COX15: variants seen among roughly 807,000 people sequenced by gnomAD.
COX15 encodes heme A synthase COX15.
In COX15, 51 loss-of-function variants were observed where a neutral mutation model predicts 51.9. The ratio of observed to expected loss-of-function variants is 0.98; its 90% confidence interval spans 0.78 to 1.24. COX15 has a LOEUF of 1.24. Ranked by LOEUF, COX15 falls within the 50% of genes most tolerant of loss-of-function variation. The pLI is 0.00. For synonymous variants in COX15, 188 were observed against 190.5 expected (o/e 0.99, Z 0.11); for missense variants, 420 against 501.1 (o/e 0.84, Z 1.55).
downstream of COX15, among the ~76,000 whole-genome samples, chr10:99,706,941 C>G (rs1313456784): frequency 6.6e-6 from 1 of 152,108 alleles, no homozygotes; most frequent in African/African-American, 2.4e-5. Context: ...ACTTGAAACA[C>G]GGAAGTAGTG....
At chr10:99,696,152 AAATAT>A in the COX15 span, 1 of 1,609,380 alleles carries the variant, frequency 6.2e-7, no homozygotes, top group Non-Finnish European at 8.5e-7. Context: ...TGAGTTTCTG[AAATAT>A]AATGTCAGGC....
At chr10:99,706,806 C>T (rs12264909), downstream of COX15, among the ~76,000 whole-genome samples, 2,087 of 152,248 alleles carry the variant, frequency 0.014, 47 homozygotes, top group African/African-American at 0.046. Flanking sequence ...ACTCAGGTAA[C>T]GTTTTCTTTT....
the COX15 span, among the ~76,000 whole-genome samples, chr10:99,700,176 C>T: frequency 6.6e-6 from 1 of 152,102 alleles, no homozygotes; most frequent in African/African-American, 2.4e-5. Flanking sequence ...AAATTCTATT[C>T]CCTTGAACAC....
chr10:99,725,231 A>G (rs1356478727), intron 4 of COX15, among the ~76,000 whole-genome samples: 4 of 151,940 alleles, frequency 2.6e-5, no homozygotes, highest in African/African-American at 9.7e-5. Flanking sequence ...CTAAATATAT[A>G]CTCTTCAGGA....
chr10:99,726,207 A>G (rs747828131), intron 4 of COX15, among the ~76,000 whole-genome samples: 4 of 152,138 alleles, frequency 2.6e-5, no homozygotes, highest in Non-Finnish European at 5.9e-5. Context: ...ATTTTCCTGT[A>G]TGCTTCTGTG....
At chr10:99,699,610 G>A in the COX15 span, among the ~76,000 whole-genome samples, 1 of 152,190 alleles carries the variant, frequency 6.6e-6, no homozygotes, top group East Asian at 1.9e-4. Context: ...TGTAGCCCAG[G>A]CTGGAGTGCA....
chr10:99,702,456 G>T, the COX15 span: 53 of 1,434,360 alleles, frequency 3.7e-5, no homozygotes, highest in Admixed American at 1.5e-4. Flanking sequence ...TATTGCAAAG[G>T]AAAGTATTAG....
chr10:99,712,619 T>G lies in COX15; in HGVS notation c.*1968A>C. On this transcript the variant is annotated 3_prime_UTR_variant, in exon 9 of 9. Coordinates refer to ENST00000016171, the MANE Select transcript of COX15 (RefSeq NM_078470.6). ...GAAAAATAAACTTAAGATAAGCTTA[T>G]TTTCCTTATTTCAAAAAGCAAAACA... is the stretch of plus-strand genomic sequence containing the variant. The G allele has an allele frequency of 1.0e-6, 1 of 984,064 alleles. No homozygotes were observed. Among genetic ancestry groups the G allele is most frequent in the Non-Finnish European group, 1.2e-6 (1 of 828,710 alleles). 61.0% of individuals were successfully genotyped at this position (984,064 alleles called of 1,614,324 possible). A position where few individuals can be genotyped will look rare whatever the true frequency, so the allele number is the denominator to read the frequency against.
Position 99,721,031 on chromosome 10 carries a change from A to G in COX15, c.788T>C (p.Phe263Ser), listed in dbSNP as rs1334326501. 1 of 1,613,812 alleles carries G rather than the reference A, an allele frequency of 6.2e-7. No homozygotes were observed. The highest frequency in any genetic ancestry group is 1.7e-5 in the Admixed American group (1 of 59,982). The change falls in exon 6 of 9, where the codon TTT becomes TCT. Residue 263 changes from phenylalanine to serine, a missense_variant. Transcript: ENST00000016171. ...CACCAGACCTGCTGTTCCATGAGCA[A>G]ATCGTCTCAACTGTAGGAGTTGGTG... The part of the protein sequence containing the change: ...ETHQLLQLRR[F>S]AHGTAGLVFL...
intron 7 of COX15, among the ~76,000 whole-genome samples, chr10:99,717,491 A>G (rs1296868052): frequency 6.6e-6 from 1 of 152,072 alleles, no homozygotes; most frequent in Non-Finnish European, 1.5e-5. Flanking sequence ...GATTACAGGC[A>G]TGAGCCATTG....
At chr10:99,695,910 GCAAC>G in the COX15 span, 10 of 1,565,250 alleles carry the variant, frequency 6.4e-6, no homozygotes, top group African/African-American at 1.2e-4. Flanking sequence ...TTTCTAGAAG[GCAAC>G]CAAAACTAAA....
At chr10:99,709,681 C>T (rs1432290663), downstream of COX15, 1 of 985,262 alleles carries the variant, frequency 1.0e-6, no homozygotes, top group African/African-American at 1.7e-5. Flanking sequence ...GTCCCATCTA[C>T]CCTGTTTTCT....
At chr10:99,726,875 G>T (rs552034243) in intron 4 of COX15, 93 bp downstream of exon 4, 5 of 1,275,674 alleles carry the variant, frequency 3.9e-6, no homozygotes, top group African/African-American at 1.8e-5. Context: ...GCGACACAGC[G>T]AGACTCCGTC....
the COX15 span, chr10:99,702,407 G>A: frequency 1.7e-5 from 16 of 951,450 alleles, no homozygotes; most frequent in Middle Eastern, 3.4e-4. Flanking sequence ...AGCGGGAGGA[G>A]GTAGGTCTTT....
At position 99,711,072 on chromosome 10, in the gene COX15, G is replaced by A; in HGVS notation, c.*3515C>T. On this transcript the variant is annotated 3_prime_UTR_variant, in exon 9 of 9. Transcript: ENST00000016171. ...TTCACTAATTCAATATTTGATATGT[G>A]TCTGGGAGTGCTGGGAATAACATAA... The A allele has an allele frequency of 1.0e-6, 1 of 978,328 alleles. No homozygotes were observed. The highest frequency in any genetic ancestry group is 1.2e-6 in the Non-Finnish European group (1 of 828,172). The allele number at this position is 978,328 out of a possible 1,614,324, so 60.6% of individuals were successfully genotyped here.
chr10:99,717,904 G>T (rs919182016), intron 7 of COX15, among the ~76,000 whole-genome samples: 1 of 152,076 alleles, frequency 6.6e-6, no homozygotes, highest in Non-Finnish European at 1.5e-5. Context: ...AAACATATTC[G>T]CTTAAATAGA....
At chr10:99,730,583 C>CT (rs1186326427) in intron 1 of COX15, among the ~76,000 whole-genome samples, 1 of 41,304 alleles carries the variant, frequency 2.4e-5, no homozygotes. Context: ...GACTCCATCT[C>CT]TCAAAAAAAA....
intron 4 of COX15, among the ~76,000 whole-genome samples, chr10:99,725,622 A>C (rs2036923433): frequency 6.6e-6 from 1 of 151,534 alleles, no homozygotes; most frequent in Admixed American, 6.6e-5. Flanking sequence ...CAGTGGTGCA[A>C]CCTCTCAGCT....
chr10:99,709,560 T>C (rs2036319807), downstream of COX15: 2 of 983,066 alleles, frequency 2.0e-6, no homozygotes, highest in East Asian at 1.1e-4. Context: ...ATTAATACTA[T>C]AGAATAGCAA....
Sources: allele counts gnomAD v4.1 joint callset (sites outside exome capture counted in the v4.1 genomes callset), GRCh38; gene constraint gnomAD v4.1.1; transcripts MANE v1.5; gene names NCBI Gene and HGNC (gene_info 2026-07-23, HGNC 2026-07-21).